The following ANKRD44 variants were observed in gnomAD, a reference collection of about 807,000 sequenced individuals.
ANKRD44 encodes ankyrin repeat domain 44.
ANKRD44 carries 35 observed loss-of-function variants against 116.0 expected under a neutral mutation model. That is an observed-to-expected ratio of 0.30 (90% CI 0.23 to 0.40). The LOEUF (loss-of-function observed/expected upper bound fraction) is 0.40, where lower values mean the gene tolerates loss of function less well. ANKRD44 is among the 10% of genes least tolerant of loss of function. The pLI is 1.00. For missense variants in ANKRD44, 1,014 were observed against 1,242.6 expected (o/e 0.82, Z 2.77); for synonymous variants, 435 against 461.8 (o/e 0.94, Z 0.74).
intron 16 of ANKRD44, among the ~76,000 whole-genome samples, chr2:197,063,457 G>A (rs1377695854): frequency 6.6e-6 from 1 of 152,210 alleles, no homozygotes; most frequent in African/African-American, 2.4e-5. Flanking sequence ...GACGGAGAAC[G>A]ACTTTGACGA....
At chr2:197,235,184 T>C (rs1174021375) in intron 1 of ANKRD44, among the ~76,000 whole-genome samples, 1 of 152,208 alleles carries the variant, frequency 6.6e-6, no homozygotes, top group Admixed American at 6.5e-5. Flanking sequence ...ACATTTAAGC[T>C]AGGTCTTGGG....
chr2:197,196,408 A>T (rs2080949864), intron 1 of ANKRD44, among the ~76,000 whole-genome samples: 1 of 152,220 alleles, frequency 6.6e-6, no homozygotes, highest in South Asian at 2.1e-4. Flanking sequence ...ATCACTTATA[A>T]AAAAGACAAC....
At position 197,105,120 on chromosome 2, in the gene ANKRD44, G is replaced by GT. The variant is rs759211181; in HGVS notation, c.986-5191_986-5190insA. Among the ~76,000 whole-genome samples, 14 of 150,594 alleles carry GT rather than the reference G, an allele frequency of 9.3e-5. No individual in the cohort carries two copies. In the South Asian group the frequency reaches 1.7e-3, roughly 18 times the overall value. On this transcript the variant is annotated intron_variant, in intron 9 of 27. Transcript: ENST00000282272. ...GGTTCTTTTGTTGTTGTTATTTTGG[G>GT]GTTTTTTTTTGAGATGGACTCTCGC...
chr2:197,186,643 T>TTTTTTTTC (rs2080677732), intron 2 of ANKRD44, among the ~76,000 whole-genome samples: 1 of 89,684 alleles, frequency 1.1e-5, no homozygotes, highest in Non-Finnish European at 2.4e-5. Context: ...TTTTTTTTTT[T>TTTTTTTTC]TTTTAGAGAC....
At chr2:197,293,898 GT>G in intron 1 of ANKRD44, among the ~76,000 whole-genome samples, 1 of 152,276 alleles carries the variant, frequency 6.6e-6, no homozygotes, top group Non-Finnish European at 1.5e-5. Context: ...CTATCACAGG[GT>G]GTTTATACAG....
At position 197,121,376 on chromosome 2, in the gene ANKRD44, A is replaced by G. The variant is rs2078849542; in HGVS notation, c.862T>C (p.Cys288Arg). 6.2e-7 allele frequency: 1 copy of G among 1,614,092 alleles called. No homozygotes were observed. Among genetic ancestry groups the G allele is most frequent in the Non-Finnish European group, 8.5e-7 (1 of 1,180,036 alleles). ...FAAASTHGAL[C>R]LELLVNNGAD... Reference sequence around the variant, plus strand: ...CCGTTGTTTACTAACAATTCAAGACACAAAGCACCATGAGTGGAGGCAGCA... The same window carrying G: ...CCGTTGTTTACTAACAATTCAAGACGCAAAGCACCATGAGTGGAGGCAGCA... Residue 288 changes from cysteine to arginine, a missense_variant, in exon 8 of 28, where the codon TGT becomes CGT. Coordinates refer to ENST00000282272, the MANE Select transcript of ANKRD44 (RefSeq NM_001195144.2).
intron 10 of ANKRD44, among the ~76,000 whole-genome samples, chr2:197,093,830 A>C (rs144639330): frequency 3.3e-4 from 50 of 152,360 alleles, no homozygotes; most frequent in African/African-American, 9.9e-4. Context: ...CTCTTACTTC[A>C]TCAGGTATAC....
intron 8 of ANKRD44, among the ~76,000 whole-genome samples, chr2:197,113,109 G>A (rs1051578275): frequency 2.0e-5 from 3 of 152,172 alleles, no homozygotes; most frequent in Non-Finnish European, 2.9e-5. Flanking sequence ...ACTGAGAAAG[G>A]AGAGCTGAAG....
At chr2:197,169,407 C>T (rs1668358840) in intron 2 of ANKRD44, among the ~76,000 whole-genome samples, 2 of 152,306 alleles carry the variant, frequency 1.3e-5, no homozygotes, top group African/African-American at 2.4e-5. Context: ...CTCTCCAATA[C>T]ACTGTAAACT....
chr2:197,081,686 T>G lies in ANKRD44; in HGVS notation c.1497A>C (p.Glu499Asp), dbSNP rs752510514. The G allele has an allele frequency of 6.2e-7, 1 of 1,614,054 alleles. No individual in the cohort carries two copies. The highest frequency in any genetic ancestry group is 1.1e-5 in the South Asian group (1 of 91,072). ...ILGNAHDNSE[E>D]LERARELKEK... ...CCTTCAGCTCCCTGGCTCTTTCAAGTTCTTCTGAATTATCATGGGCATTTC... is the reference window on the plus strand; with the variant it reads ...CCTTCAGCTCCCTGGCTCTTTCAAGGTCTTCTGAATTATCATGGGCATTTC... Residue 499 changes from glutamate (E) to aspartate (D), a missense_variant, in exon 15 of 28, where the codon GAA (glutamate) becomes GAC (aspartate). Transcript: ENST00000282272.
intron 6 of ANKRD44, among the ~76,000 whole-genome samples, chr2:197,123,397 T>C (rs1393657399): frequency 6.6e-6 from 1 of 152,192 alleles, no homozygotes; most frequent in African/African-American, 2.4e-5. Context: ...TTTTCTACAA[T>C]ATTTTACTCT....
intron 16 of ANKRD44, among the ~76,000 whole-genome samples, chr2:197,060,987 A>G (rs559689323): frequency 1.3e-5 from 2 of 152,312 alleles, no homozygotes; most frequent in East Asian, 3.9e-4. Context: ...TGCAGTGAAC[A>G]TGAGAGTGTA....
At chr2:197,254,729 T>G (rs1426509811) in intron 1 of ANKRD44, among the ~76,000 whole-genome samples, 1 of 149,942 alleles carries the variant, frequency 6.7e-6, no homozygotes, top group African/African-American at 2.5e-5. Context: ...TGTGTGTATA[T>G]GTGTGTATAG....
intron 1 of ANKRD44, among the ~76,000 whole-genome samples, chr2:197,191,924 C>G (rs970454175): frequency 6.6e-6 from 1 of 152,150 alleles, no homozygotes; most frequent in Non-Finnish European, 1.5e-5. Context: ...TTTTCATCAT[C>G]TGTGAAATCC....
intron 25 of ANKRD44, 42 bp downstream of exon 25, chr2:196,998,295 A>T: frequency 7.2e-7 from 1 of 1,393,530 alleles, no homozygotes; most frequent in Non-Finnish European, 1.0e-6. Context: ...TACTGTTATT[A>T]TTATAACGTG....
intron 9 of ANKRD44, among the ~76,000 whole-genome samples, chr2:197,107,147 T>C (rs1415096800): frequency 6.6e-6 from 1 of 152,202 alleles, no homozygotes; most frequent in East Asian, 1.9e-4. Context: ...AGCATTCATC[T>C]GAAATTAGTT....
chr2:196,975,662 A>G (rs2075752066), intron 21 of ANKRD44, among the ~76,000 whole-genome samples: 1 of 150,870 alleles, frequency 6.6e-6, no homozygotes, highest in Non-Finnish European at 1.5e-5. Context: ...GTGGTGGCAC[A>G]CACCTGTAAT....
chr2:197,255,258 T>C (rs1274856063), intron 1 of ANKRD44, among the ~76,000 whole-genome samples: 2 of 152,182 alleles, frequency 1.3e-5, no homozygotes, highest in Non-Finnish European at 2.9e-5. Context: ...GCCCTGTCTA[T>C]GGGGTTACGC....
At chr2:197,267,490 A>T (rs949999276) in intron 1 of ANKRD44, among the ~76,000 whole-genome samples, 1 of 152,234 alleles carries the variant, frequency 6.6e-6, no homozygotes, top group Admixed American at 6.5e-5. Flanking sequence ...AGGAAAAAAT[A>T]TGATCCTTAG....
Sources: allele counts gnomAD v4.1 joint callset (sites outside exome capture counted in the v4.1 genomes callset), GRCh38; gene constraint gnomAD v4.1.1; transcripts MANE v1.5; gene names NCBI Gene and HGNC (gene_info 2026-07-23, HGNC 2026-07-21).